TENM4: variants seen among roughly 807,000 people sequenced by gnomAD.
TENM4 encodes the protein teneurin transmembrane protein 4.
TENM4 carries 82 observed loss-of-function variants against 243.3 expected under a neutral mutation model. The ratio of observed to expected loss-of-function variants is 0.34; its 90% CI spans 0.28 to 0.40. TENM4 has a LOEUF of 0.40. Ranked by LOEUF, TENM4 falls within the 10% of genes least tolerant of loss-of-function variation. The pLI is 1.00. For missense variants in TENM4, 3,138 were observed against 3,673.3 expected (o/e 0.85, Z 3.77); for synonymous variants, 1,412 against 1,456.3 (o/e 0.97, Z 0.69).
At chr11:78,787,720 C>T (rs1448089790) in intron 15 of TENM4, among the ~76,000 whole-genome samples, 10 of 152,310 alleles carry the variant, frequency 6.6e-5, no homozygotes, top group African/African-American at 2.4e-4. Context: ...CAGCTTCCTG[C>T]TTCCTCACCC....
chr11:78,825,642 A>G (rs1857833299), intron 12 of TENM4, among the ~76,000 whole-genome samples: 1 of 152,258 alleles, frequency 6.6e-6, no homozygotes, highest in South Asian at 2.1e-4. Context: ...CCAGTTCCAA[A>G]GAGGAGGGCT....
At chr11:79,152,671 T>C (rs928508138) in intron 3 of TENM4, among the ~76,000 whole-genome samples, 2 of 152,322 alleles carry the variant, frequency 1.3e-5, no homozygotes, top group East Asian at 3.9e-4. Context: ...CTCCAACCCC[T>C]TCCAATGCCA....
At chr11:78,830,519 G>C (rs1441185947) in intron 12 of TENM4, among the ~76,000 whole-genome samples, 2 of 152,226 alleles carry the variant, frequency 1.3e-5, no homozygotes, top group African/African-American at 4.8e-5. Flanking sequence ...CCAGGGAGCA[G>C]ACTCCCCCCT....
chr11:79,185,542 C>G (rs1425657896), intron 3 of TENM4, among the ~76,000 whole-genome samples: 5 of 152,156 alleles, frequency 3.3e-5, no homozygotes, highest in Admixed American at 2.6e-4. Flanking sequence ...TGGCATGGTG[C>G]CATTTGACTC....
At chr11:78,793,627 G>A (rs1195886904) in intron 15 of TENM4, among the ~76,000 whole-genome samples, 2 of 152,184 alleles carry the variant, frequency 1.3e-5, no homozygotes, top group Non-Finnish European at 2.9e-5. Context: ...TTAATAGTCA[G>A]CATTTGAGGC....
At chr11:79,383,496 C>A (rs1274664810) in intron 1 of TENM4, among the ~76,000 whole-genome samples, 3 of 152,172 alleles carry the variant, frequency 2.0e-5, no homozygotes, top group African/African-American at 7.2e-5. Context: ...TGACAAGAAG[C>A]AAATCAGGAA....
intron 18 of TENM4, among the ~76,000 whole-genome samples, chr11:78,760,066 G>A (rs138140341): frequency 4.4e-4 from 67 of 152,068 alleles, no homozygotes; most frequent in Non-Finnish European, 7.5e-4. Context: ...TTTTCTCTCC[G>A]TCCCCTGACC....
At chr11:79,044,037 C>T (rs141305820) in intron 6 of TENM4, among the ~76,000 whole-genome samples, 415 of 152,280 alleles carry the variant, frequency 2.7e-3, no homozygotes, top group Non-Finnish European at 5.1e-3. Context: ...CATCTGGACT[C>T]GGTCCCAAGG....
intron 4 of TENM4, among the ~76,000 whole-genome samples, chr11:79,146,829 G>A (rs537907420): frequency 1.1e-4 from 16 of 152,090 alleles, no homozygotes; most frequent in African/African-American, 3.9e-4. Context: ...TGTGACCAAG[G>A]CCACATAACT....
chr11:79,094,771 A>AGTG, intron 4 of TENM4, among the ~76,000 whole-genome samples: 1 of 152,108 alleles, frequency 6.6e-6, no homozygotes, highest in Non-Finnish European at 1.5e-5. Context: ...ACTCCAGACC[A>AGTG]GTGGGGGAGG....
At position 79,288,893 on chromosome 11, in the gene TENM4, G is replaced by GA. The variant is rs556024292; in HGVS notation, c.-265+8594dup. ...ATAGTGTGTGGTAAATTAAAAAAGA[G>GA]AAAAAAAAAATGAACCATAGGGAAA... On this transcript the variant is annotated intron_variant, in intron 2 of 33. Coordinates refer to ENST00000278550, the MANE Select transcript of TENM4 (RefSeq NM_001098816.3). Among the ~76,000 whole-genome samples the GA allele has an allele frequency of 6.2e-4, 92 of 147,830 alleles. 1 individual carries two copies. Among genetic ancestry groups the GA allele is most frequent in the East Asian group, 3.3e-3 (17 of 5,082 alleles).
chr11:78,814,829 G>A (rs1048381923), intron 12 of TENM4, among the ~76,000 whole-genome samples: 16 of 152,176 alleles, frequency 1.1e-4, no homozygotes, highest in Admixed American at 1.0e-3. Context: ...TAAAGCTACT[G>A]AGCATTTACA....
chr11:79,394,827 A>T (rs1403423515), intron 1 of TENM4, among the ~76,000 whole-genome samples: 1 of 152,178 alleles, frequency 6.6e-6, no homozygotes, highest in Non-Finnish European at 1.5e-5. Flanking sequence ...CCCTGTGAAG[A>T]CATGAAGATA....
At chr11:78,734,694 A>T (rs1452647931) in intron 20 of TENM4, among the ~76,000 whole-genome samples, 1 of 152,130 alleles carries the variant, frequency 6.6e-6, no homozygotes, top group Non-Finnish European at 1.5e-5. Flanking sequence ...TCCCCCACAC[A>T]GCCTTACCCA....
intron 6 of TENM4, among the ~76,000 whole-genome samples, chr11:78,995,917 T>C (rs1858161923): frequency 6.6e-6 from 1 of 152,118 alleles, no homozygotes; most frequent in East Asian, 1.9e-4. Flanking sequence ...CCTGGCTGAA[T>C]TGCAGTAAGA....
chr11:79,268,664 C>T (rs1056833611), intron 2 of TENM4, among the ~76,000 whole-genome samples: 2 of 152,176 alleles, frequency 1.3e-5, no homozygotes, highest in Non-Finnish European at 2.9e-5. Flanking sequence ...TCATCAGGTG[C>T]AAAGTTCCCA....
chr11:79,418,281 A>C (rs1425071795), intron 1 of TENM4, among the ~76,000 whole-genome samples: 1 of 152,210 alleles, frequency 6.6e-6, no homozygotes, highest in Admixed American at 6.5e-5. Context: ...TCTACTGAAA[A>C]GCACCTACCT....
At chr11:79,273,095 C>A (rs559215839) in intron 2 of TENM4, among the ~76,000 whole-genome samples, 1 of 152,152 alleles carries the variant, frequency 6.6e-6, no homozygotes, top group African/African-American at 2.4e-5. Context: ...CTGATTCTAC[C>A]GCTTAACAAA....
At position 78,823,583 on chromosome 11, in the gene TENM4, G is replaced by A. The variant is rs145438787; in HGVS notation, c.1682-9188C>T. Among the ~76,000 whole-genome samples, 291 of 152,300 alleles carry A rather than the reference G, an allele frequency of 1.9e-3. 1 individual carries two copies. Among genetic ancestry groups the A allele is most frequent in the Non-Finnish European group, 3.6e-3 (243 of 68,022 alleles). ...AAGCAGTCCTGAGTGAGGAGAGAAA[G>A]CTCATGAATGGAGCTGAAGCCTGGA... On this transcript the variant is annotated intron_variant, in intron 12 of 33. Transcript: ENST00000278550.
Sources: gnomAD v4.1 joint callset for allele counts (sites outside exome capture counted in the v4.1 genomes callset) on GRCh38, gnomAD v4.1.1 for gene constraint, MANE v1.5 for transcripts, NCBI Gene and HGNC (gene_info 2026-07-23, HGNC 2026-07-21) for gene names.